Variants in KIAA0825 observed in about 807,000 individuals in gnomAD.
The protein encoded by KIAA0825 is uncharacterized protein KIAA0825.
Under a neutral mutation model 147.6 loss-of-function variants are expected in KIAA0825, and 119 were observed. That is an observed-to-expected ratio of 0.81 (90% CI 0.69 to 0.94). The LOEUF (loss-of-function observed/expected upper bound fraction) is 0.94, where lower values mean the gene tolerates loss of function less well. KIAA0825 is among the 40% of genes least tolerant of loss of function. The pLI is 0.00. For synonymous variants in KIAA0825, 470 were observed against 518.1 expected, an observed-to-expected ratio of 0.91 and a Z score of 1.26; for missense variants, 1,381 against 1,472.7, an observed-to-expected ratio of 0.94 and a Z score of 1.02.
intron 18 of KIAA0825, among the ~76,000 whole-genome samples, chr5:94,389,010 C>T (rs185076781): frequency 5.1e-4 from 78 of 152,256 alleles, no homozygotes; most frequent in Non-Finnish European, 5.9e-4. Flanking sequence ...ATGCACCTGA[C>T]GGTCATTACT....
intron 20 of KIAA0825, among the ~76,000 whole-genome samples, chr5:94,334,703 T>C (rs185262184): frequency 1.3e-5 from 2 of 152,238 alleles, no homozygotes; most frequent in Admixed American, 1.3e-4. Context: ...CGGTTGGTAT[T>C]GAACTCCTGA....
In KIAA0825 at chr5:94,360,521, T is replaced by A. The variant is rs939902298; in HGVS notation, c.3710+23847A>T. On this transcript the variant is annotated intron_variant, in intron 20 of 20. Coordinates refer to ENST00000682413, the MANE Select transcript of KIAA0825 (RefSeq NM_001145678.3). ...ACCTTGCTGATAAAACAGGTTGTAG[T>A]AAAGAAGCCTGCCAAAACCCATCAA... is the stretch of plus-strand genomic sequence containing the variant. Among the ~76,000 whole-genome samples, 59 of 152,236 alleles carry A rather than the reference T, an allele frequency of 3.9e-4. 1 individual carries two copies. The highest frequency in any genetic ancestry group is 1.4e-3 in the African/African-American group (57 of 41,530).
intron 3 of KIAA0825, among the ~76,000 whole-genome samples, chr5:94,526,700 T>C (rs1452457317): frequency 6.6e-6 from 1 of 152,028 alleles, no homozygotes; most frequent in Non-Finnish European, 1.5e-5. Flanking sequence ...AAATTGCTTA[T>C]TGAATGAAGG....
chr5:94,592,170 C>G (rs1784471961), intron 1 of KIAA0825, among the ~76,000 whole-genome samples: 1 of 152,200 alleles, frequency 6.6e-6, no homozygotes, highest in Admixed American at 6.5e-5. Flanking sequence ...CAAAAATACA[C>G]AGTCCAAAGT....
intron 5 of KIAA0825, among the ~76,000 whole-genome samples, chr5:94,499,191 T>C (rs556572028): frequency 1.3e-5 from 2 of 152,190 alleles, no homozygotes; most frequent in East Asian, 1.9e-4. Flanking sequence ...GAATCAGACA[T>C]CATATGGAAC....
chr5:94,275,797 T>A (rs1157194888), intron 20 of KIAA0825, among the ~76,000 whole-genome samples: 1 of 152,146 alleles, frequency 6.6e-6, no homozygotes, highest in Non-Finnish European at 1.5e-5. Flanking sequence ...ACAGCTCGCA[T>A]TGTGTGTAAT....
chr5:94,527,140 A>G (rs1360889622), intron 3 of KIAA0825, among the ~76,000 whole-genome samples: 1 of 152,062 alleles, frequency 6.6e-6, no homozygotes, highest in Non-Finnish European at 1.5e-5. Flanking sequence ...TTTTATGGTC[A>G]CTACTACACT....
rs114511579 is a variant in KIAA0825 at position 94,256,496 on chromosome 5, T to C, written c.3711-102372A>G. 5.4e-3 allele frequency among the ~76,000 whole-genome samples: 826 copies of C among 152,314 alleles called. 7 individuals are homozygous for C. The highest frequency in any genetic ancestry group is 9.5e-3 in the Non-Finnish European group (645 of 68,034). ...AAAGCTAGAAAAAATTAAAATCATG[T>C]AATGCTTATTCTCAGGTGAAATATA... On this transcript the variant is annotated intron_variant, in intron 20 of 20. Coordinates refer to ENST00000682413, the MANE Select transcript of KIAA0825 (RefSeq NM_001145678.3).
intron 3 of KIAA0825, among the ~76,000 whole-genome samples, chr5:94,526,650 T>C (rs1769337858): frequency 6.6e-6 from 1 of 152,030 alleles, no homozygotes; most frequent in South Asian, 2.1e-4. Context: ...CTATGGTAAT[T>C]TTCTCATTCA....
chr5:94,210,539 A>C (rs1772612495), intron 20 of KIAA0825, among the ~76,000 whole-genome samples: 1 of 152,164 alleles, frequency 6.6e-6, no homozygotes, highest in Non-Finnish European at 1.5e-5. Flanking sequence ...CCGGCTCTGC[A>C]AGCTATATTT....
At chr5:94,438,277 T>C (rs1756629838) in intron 14 of KIAA0825, among the ~76,000 whole-genome samples, 1 of 152,166 alleles carries the variant, frequency 6.6e-6, no homozygotes, top group African/African-American at 2.4e-5. Flanking sequence ...AGAGTAACAA[T>C]AGTATATATT....
intron 3 of KIAA0825, among the ~76,000 whole-genome samples, chr5:94,532,799 T>C (rs1229089041): frequency 6.8e-6 from 1 of 147,652 alleles, no homozygotes; most frequent in Non-Finnish European, 1.5e-5. Context: ...CCTCCCCAAG[T>C]ATTGAGATTA....
intron 5 of KIAA0825, among the ~76,000 whole-genome samples, chr5:94,494,118 T>C (rs1315300720): frequency 6.6e-6 from 1 of 152,122 alleles, no homozygotes; most frequent in Non-Finnish European, 1.5e-5. Context: ...CTTCTATTCT[T>C]ACCCTTTTAT....
intron 5 of KIAA0825, among the ~76,000 whole-genome samples, chr5:94,492,385 A>G (rs1270006418): frequency 6.6e-6 from 1 of 152,202 alleles, no homozygotes; most frequent in Non-Finnish European, 1.5e-5. Flanking sequence ...TTTTAGTCTC[A>G]TCTCCTCTGA....
chr5:94,474,497 C>A (rs916975244), intron 7 of KIAA0825, among the ~76,000 whole-genome samples: 2 of 152,114 alleles, frequency 1.3e-5, no homozygotes, highest in Admixed American at 1.3e-4. Flanking sequence ...AGAAAAACAA[C>A]AGAGTTGAAT....
At chr5:94,417,866 G>T (rs1753672520) in intron 14 of KIAA0825, among the ~76,000 whole-genome samples, 1 of 152,074 alleles carries the variant, frequency 6.6e-6, no homozygotes, top group South Asian at 2.1e-4. Context: ...TAAATCCACA[G>T]ACCTTGTCAT....
intron 1 of KIAA0825, among the ~76,000 whole-genome samples, chr5:94,598,594 A>G (rs1338064696): frequency 1.4e-4 from 21 of 152,160 alleles, no homozygotes; most frequent in Admixed American, 1.4e-3. Flanking sequence ...ATAAACCAGT[A>G]ACACAGTCAT....
chr5:94,544,982 C>T (rs1377837360), intron 2 of KIAA0825, among the ~76,000 whole-genome samples: 1 of 151,890 alleles, frequency 6.6e-6, no homozygotes, highest in Non-Finnish European at 1.5e-5. Flanking sequence ...CGTCACCCTC[C>T]CTCATCCCTT....
chr5:94,257,174 A>G (rs1473632653), intron 20 of KIAA0825, among the ~76,000 whole-genome samples: 5 of 152,036 alleles, frequency 3.3e-5, no homozygotes, highest in African/African-American at 1.2e-4. Flanking sequence ...AAAAATAAAT[A>G]CTCTCTATAA....
Sources: allele counts gnomAD v4.1 joint callset (sites outside exome capture counted in the v4.1 genomes callset), GRCh38; gene constraint gnomAD v4.1.1; transcripts MANE v1.5; gene names NCBI Gene and HGNC (gene_info 2026-07-23, HGNC 2026-07-21).